The following DNAI4 variants were observed in gnomAD, a reference collection of about 807,000 sequenced individuals.
The protein encoded by DNAI4 is dynein axonemal intermediate chain 4, also known as WD repeat domain 78.
DNAI4 carries 85 observed loss-of-function variants against 105.8 expected under a neutral mutation model. The ratio of observed to expected loss-of-function variants is 0.80; its 90% CI spans 0.67 to 0.96. The LOEUF (loss-of-function observed/expected upper bound fraction) is 0.96, where lower values mean the gene tolerates loss of function less well. Among genes scored for constraint, DNAI4 ranks in the 40% least tolerant of loss-of-function variants. The pLI is 0.00. For missense variants in DNAI4, 1,014 were observed against 1,005.6 expected (o/e 1.01, Z -0.11); for synonymous variants, 352 against 331.5 (o/e 1.06, Z -0.67).
intron 7 of DNAI4, among the ~76,000 whole-genome samples, chr1:66,850,420 A>C (rs1023825055): frequency 3.3e-5 from 5 of 151,864 alleles, no homozygotes; most frequent in African/African-American, 1.2e-4. Flanking sequence ...GAATACTAAG[A>C]ATTTGTCTCA....
At chr1:66,823,425 G>A (rs373696146) in intron 15 of DNAI4, among the ~76,000 whole-genome samples, 1 of 151,934 alleles carries the variant, frequency 6.6e-6, no homozygotes, top group Non-Finnish European at 1.5e-5. Flanking sequence ...TATATACCCA[G>A]TAATGGGATG....
chr1:66,908,222 G>C (rs1557981050), intron 1 of DNAI4, among the ~76,000 whole-genome samples: 1 of 152,108 alleles, frequency 6.6e-6, no homozygotes, highest in Non-Finnish European at 1.5e-5. Flanking sequence ...TCAAACACAT[G>C]CCCTATTCTG....
chr1:66,832,742 A>G (rs925738277), intron 13 of DNAI4, among the ~76,000 whole-genome samples: 3 of 152,142 alleles, frequency 2.0e-5, no homozygotes, highest in African/African-American at 7.2e-5. Flanking sequence ...TGTGATTATT[A>G]CTCATTGCAT....
At chr1:66,892,939 G>C (rs1647791774) in intron 3 of DNAI4, among the ~76,000 whole-genome samples, 1 of 110,080 alleles carries the variant, frequency 9.1e-6, no homozygotes, top group African/African-American at 3.8e-5. Context: ...AGAGAAGAAA[G>C]AGAAGAAAGA....
At position 66,871,416 on chromosome 1, in the gene DNAI4, T is replaced by C; in HGVS notation, c.894A>G (p.Pro298=). 1.2e-6 allele frequency: 2 copies of C among 1,612,258 alleles called. No homozygotes were observed. The highest frequency in any genetic ancestry group is 1.7e-6 in the Non-Finnish European group (2 of 1,178,954). Reference sequence around the variant, plus strand: ...TATCACATTGAACATCTTTATTCTTTGGTGCTCCATTGAAAGTCTGCATCA... The same window carrying C: ...TATCACATTGAACATCTTTATTCTTCGGTGCTCCATTGAAAGTCTGCATCA... ...ERMMQTFNGA[P]KNKDVQCDKI... Residue 298 remains proline (P), a synonymous_variant, in exon 6 of 17, where the codon CCA becomes CCG. Transcript: ENST00000371026.
At chr1:66,892,888 A>G (rs1025658756) in intron 3 of DNAI4, among the ~76,000 whole-genome samples, 3 of 150,920 alleles carry the variant, frequency 2.0e-5, no homozygotes, top group Non-Finnish European at 4.4e-5. Flanking sequence ...AGCCTGGGCA[A>G]CAGGAGTGAA....
intron 1 of DNAI4, among the ~76,000 whole-genome samples, chr1:66,916,637 A>C (rs921328722): frequency 1.3e-5 from 2 of 152,218 alleles, no homozygotes; most frequent in African/African-American, 4.8e-5. Context: ...CATTACTGTC[A>C]AAGGCACACT....
At chr1:66,906,877 T>C (rs1362044672) in intron 1 of DNAI4, 1 of 152,210 alleles carries the variant, frequency 6.6e-6, no homozygotes, top group Admixed American at 6.5e-5. Context: ...TATCTCTTTT[T>C]TCCTTTCTCA....
At position 66,862,211 on chromosome 1, in the gene DNAI4, A is replaced by G. The variant is rs34182923; in HGVS notation, c.1032T>C (p.Ser344=). The part of the protein sequence containing the change: ...LSVKQSVVES[S]SKANVLPKDQ... Reference sequence around the variant, plus strand: ...CTTTAGGAAGTACATTTGCTTTACTACTTGACTCAACCACAGATTGTTTTA... The same window carrying G: ...CTTTAGGAAGTACATTTGCTTTACTGCTTGACTCAACCACAGATTGTTTTA... The change falls in exon 7 of 17, where the codon AGT becomes AGC. Residue 344 remains serine (S), a synonymous_variant. Transcript: ENST00000371026. The G allele has an allele frequency of 0.024, 38,735 of 1,608,230 alleles. 534 individuals carry two copies. Among genetic ancestry groups the G allele is most frequent in the East Asian group, 0.036 (1,595 of 44,400 alleles).
At chr1:66,843,216 G>T (rs937432132) in intron 8 of DNAI4, among the ~76,000 whole-genome samples, 1 of 31,148 alleles carries the variant, frequency 3.2e-5, no homozygotes, top group East Asian at 6.7e-4. Flanking sequence ...AAAAAAAGGT[G>T]GGGGGTGGGG....
At chr1:66,829,341 A>T (rs1387479326) in intron 13 of DNAI4, among the ~76,000 whole-genome samples, 1 of 152,212 alleles carries the variant, frequency 6.6e-6, no homozygotes, top group Non-Finnish European at 1.5e-5. Flanking sequence ...AAGTATAAAG[A>T]GACAAATAGG....
At chr1:66,865,330 A>C (rs1281676448) in intron 6 of DNAI4, among the ~76,000 whole-genome samples, 3 of 152,110 alleles carry the variant, frequency 2.0e-5, no homozygotes, top group Non-Finnish European at 4.4e-5. Context: ...AGGCTGAGGC[A>C]CGAGAATCAC....
intron 1 of DNAI4, among the ~76,000 whole-genome samples, chr1:66,916,410 A>C (rs945552661): frequency 1.3e-5 from 2 of 152,184 alleles, no homozygotes; most frequent in African/African-American, 4.8e-5. Flanking sequence ...GTCTAAAAGG[A>C]CAAGTCCTGC....
At chr1:66,834,872 T>C (rs555197691) in intron 11 of DNAI4, among the ~76,000 whole-genome samples, 1 of 152,274 alleles carries the variant, frequency 6.6e-6, no homozygotes, top group African/African-American at 2.4e-5. Context: ...CACAAAGGCC[T>C]ATGCTTACAA....
intron 8 of DNAI4, among the ~76,000 whole-genome samples, chr1:66,844,075 C>A (rs1646213104): frequency 1.9e-5 from 1 of 53,972 alleles, no homozygotes; most frequent in African/African-American, 7.3e-5. Flanking sequence ...GCTGAAACAA[C>A]TGGAGATTCA....
At chr1:66,834,467 CATTA>C (rs1176273510) in intron 11 of DNAI4, among the ~76,000 whole-genome samples, 1 of 151,944 alleles carries the variant, frequency 6.6e-6, no homozygotes, top group Non-Finnish European at 1.5e-5. Flanking sequence ...TTACTCTATT[CATTA>C]ATTCTTTCTG....
Position 66,890,945 on chromosome 1 carries a change from C to T in DNAI4, c.643+209G>A, listed in dbSNP as rs981602781. Reference sequence around the variant, plus strand: ...AGCAGCTGAGCTCTAACACAAAGCGCCATTGGTTCCTCAGGCTGATGATTC... The same window carrying T: ...AGCAGCTGAGCTCTAACACAAAGCGTCATTGGTTCCTCAGGCTGATGATTC... On this transcript the variant is annotated intron_variant, in intron 4 of 16. Transcript: ENST00000371026. This position sits in a 1 kb window ranked among gnomAD's most constrained non-coding sequence, Gnocchi z 4.1. 12 of 573,682 alleles carry T rather than the reference C, an allele frequency of 2.1e-5. No individual in the cohort carries two copies. The African/African-American group carries it at 2.3e-4, about 11-fold the overall frequency. The allele number at this position is 573,682 out of a possible 1,614,324, so 35.5% of individuals were successfully genotyped here. A position where few individuals can be genotyped will look rare whatever the true frequency, so the allele number is the denominator to read the frequency against.
chr1:66,861,205 C>T (rs1011240687), intron 7 of DNAI4, among the ~76,000 whole-genome samples: 2 of 152,082 alleles, frequency 1.3e-5, no homozygotes, highest in African/African-American at 2.4e-5. Context: ...CTTATACTTA[C>T]TGATTTACTG....
At chr1:66,898,765 T>C (rs761381269) in intron 2 of DNAI4, among the ~76,000 whole-genome samples, 10 of 152,128 alleles carry the variant, frequency 6.6e-5, no homozygotes. Flanking sequence ...AGAAAACATA[T>C]TAAGATAGTC....
Sources: allele counts gnomAD v4.1 joint callset (sites outside exome capture counted in the v4.1 genomes callset), GRCh38; gene constraint gnomAD v4.1.1; non-coding constraint Gnocchi (gnomAD v3.1); transcripts MANE v1.5; gene names NCBI Gene and HGNC (gene_info 2026-07-23, HGNC 2026-07-21).